The following OCA2 variants were observed in gnomAD, a reference collection of about 807,000 sequenced individuals.
OCA2 encodes the protein P protein.
OCA2 carries 77 observed loss-of-function variants against 100.2 expected under a neutral mutation model. That is an observed-to-expected ratio of 0.77 (90% CI 0.64 to 0.93). The LOEUF (loss-of-function observed/expected upper bound fraction) is 0.93. OCA2 is among the 40% of genes least tolerant of loss of function. The pLI is 0.00. For synonymous variants in OCA2, 432 were observed against 439.2 expected, an observed-to-expected ratio of 0.98 and a Z score of 0.21; for missense variants, 1,062 against 1,089.1, an observed-to-expected ratio of 0.98 and a Z score of 0.35.
intron 7 of OCA2, 91 bp from the exon 8 acceptor site, chr15:28,016,277 A>G (rs919760082): frequency 6.0e-6 from 6 of 1,005,634 alleles, no homozygotes; most frequent in Admixed American, 1.7e-5. Context: ...ATTTGTTTCA[A>G]AAAAGAAAAG....
chr15:27,961,572 G>A (rs2040411971), intron 15 of OCA2, among the ~76,000 whole-genome samples: 1 of 152,158 alleles, frequency 6.6e-6, no homozygotes, highest in Admixed American at 6.5e-5. Context: ...ATGACAGACT[G>A]GATAAAGAAA....
chr15:27,942,688 A>T (rs1012889106), intron 18 of OCA2, among the ~76,000 whole-genome samples: 2 of 152,284 alleles, frequency 1.3e-5, no homozygotes, highest in African/African-American at 4.8e-5. Flanking sequence ...CTCCATTTTT[A>T]AAAAACTGAG....
chr15:27,922,308 T>C (rs1270034986), intron 19 of OCA2, among the ~76,000 whole-genome samples: 1 of 152,192 alleles, frequency 6.6e-6, no homozygotes, highest in African/African-American at 2.4e-5. Flanking sequence ...AATTGAGAGA[T>C]CACTTTTTAC....
chr15:27,913,109 T>C (rs1233196713), intron 19 of OCA2, among the ~76,000 whole-genome samples: 2 of 152,100 alleles, frequency 1.3e-5, no homozygotes, highest in Non-Finnish European at 2.9e-5. Flanking sequence ...CTAAATGAAA[T>C]GTGGGATTCT....
chr15:27,930,790 A>G (rs2140412024), intron 18 of OCA2, among the ~76,000 whole-genome samples: 1 of 151,772 alleles, frequency 6.6e-6, no homozygotes, highest in Non-Finnish European at 1.5e-5. Flanking sequence ...TCATCAGGGC[A>G]GGGGTCTGAC....
At chr15:27,872,277 G>A (rs560906480) in intron 19 of OCA2, among the ~76,000 whole-genome samples, 6 of 152,304 alleles carry the variant, frequency 3.9e-5, no homozygotes, top group South Asian at 4.1e-4. Context: ...CAAGAAAGTC[G>A]CATTTCCAAT....
At chr15:28,096,072 G>A (rs1328589211) in intron 1 of OCA2, among the ~76,000 whole-genome samples, 1 of 152,156 alleles carries the variant, frequency 6.6e-6, no homozygotes, top group Non-Finnish European at 1.5e-5. Context: ...CTCTCCGGGG[G>A]CCTGGCTGCG....
At chr15:27,913,046 A>T (rs555090647) in intron 19 of OCA2, among the ~76,000 whole-genome samples, 1 of 152,238 alleles carries the variant, frequency 6.6e-6, no homozygotes, top group African/African-American at 2.4e-5. Flanking sequence ...AATACTTTTC[A>T]AAAGGGTCCA....
chr15:27,746,196 G>A, the OCA2 span, among the ~76,000 whole-genome samples: 5 of 152,160 alleles, frequency 3.3e-5, no homozygotes, highest in Admixed American at 1.3e-4. Flanking sequence ...AGTGGCTCAC[G>A]CCTGTAATCC....
At chr15:28,093,302 A>G (rs961929607) in intron 1 of OCA2, among the ~76,000 whole-genome samples, 11 of 152,040 alleles carry the variant, frequency 7.2e-5, no homozygotes, top group African/African-American at 2.7e-4. Flanking sequence ...GGCGCCTGTA[A>G]TCCCAGCTAC....
At chr15:28,075,817 A>T (rs1595917114) in intron 2 of OCA2, among the ~76,000 whole-genome samples, 2 of 152,332 alleles carry the variant, frequency 1.3e-5, no homozygotes, top group Middle Eastern at 3.4e-3. Context: ...CATTTATTTG[A>T]CATGCTTGAA....
In OCA2 at chr15:27,855,974, C is replaced by T. The variant is rs143552705; in HGVS notation, c.2245-4499G>A. ...ACTGAAAACAACAGGACTTCATTGCCGCACGGCTCTGAAGGCGAGAGTGTG... is the reference window on the plus strand; with the variant it reads ...ACTGAAAACAACAGGACTTCATTGCTGCACGGCTCTGAAGGCGAGAGTGTG... On this transcript the variant is annotated intron_variant, in intron 21 of 23. Coordinates refer to ENST00000354638, the MANE Select transcript of OCA2 (RefSeq NM_000275.3). Among the ~76,000 whole-genome samples, 464 of 152,022 alleles carry T rather than the reference C, an allele frequency of 3.1e-3. 11 individuals carry two copies. Among genetic ancestry groups the T allele is most frequent in the Admixed American group, 0.028 (422 of 15,278 alleles).
At chr15:28,085,595 C>A (rs778021098) in intron 1 of OCA2, among the ~76,000 whole-genome samples, 14 of 152,144 alleles carry the variant, frequency 9.2e-5, no homozygotes, top group African/African-American at 3.4e-4. Context: ...AAAGCCCAGC[C>A]TCTCAAGGAC....
chr15:27,951,935 C>T, intron 17 of OCA2, 43 bp from the exon 18 acceptor site: 1 of 1,313,260 alleles, frequency 7.6e-7, no homozygotes, highest in Non-Finnish European at 1.1e-6. Context: ...GCACAACCTT[C>T]TGACTCCTGC....
chr15:27,844,337 C>T (rs1206115218), intron 23 of OCA2, among the ~76,000 whole-genome samples: 2 of 152,228 alleles, frequency 1.3e-5, no homozygotes, highest in Non-Finnish European at 2.9e-5. Flanking sequence ...CTAGCAGGGA[C>T]TGTGCAATCC....
intron 4 of OCA2, among the ~76,000 whole-genome samples, chr15:28,026,301 T>G (rs2042745581): frequency 6.6e-6 from 1 of 152,184 alleles, no homozygotes; most frequent in Non-Finnish European, 1.5e-5. Flanking sequence ...TTTTCCATGT[T>G]GTGGGACAGC....
At chr15:27,822,412 G>T (rs1456218584) in intron 23 of OCA2, among the ~76,000 whole-genome samples, 1 of 152,184 alleles carries the variant, frequency 6.6e-6, no homozygotes, top group Non-Finnish European at 1.5e-5. Flanking sequence ...ATTCTTAAGT[G>T]AAAACAGAGT....
intron 23 of OCA2, among the ~76,000 whole-genome samples, chr15:27,813,763 T>C (rs904914215): frequency 1.3e-5 from 2 of 152,156 alleles, no homozygotes; most frequent in Non-Finnish European, 1.5e-5. Context: ...GCAAATCCAA[T>C]GCATCTTCAG....
chr15:27,847,288 C>T lies in OCA2; in HGVS notation c.2339-2236G>A, dbSNP rs529947545. Among the ~76,000 whole-genome samples, 58 of 152,314 alleles carry T rather than the reference C, an allele frequency of 3.8e-4. 1 individual carries two copies. In the South Asian group the frequency reaches 0.011, roughly 30 times the overall value. On this transcript the variant is annotated intron_variant, in intron 22 of 23. Transcript: ENST00000354638. The stretch of plus-strand genomic sequence containing the variant: ...TAAGGAGAAGCCTGGAGACAGAGGG[C>T]GGGGAGCTGGTGCTAGGCCTGCTAC...
Sources: allele counts gnomAD v4.1 joint callset (sites outside exome capture counted in the v4.1 genomes callset), GRCh38; gene constraint gnomAD v4.1.1; transcripts MANE v1.5; gene names NCBI Gene and HGNC (gene_info 2026-07-23, HGNC 2026-07-21).